Variants in ADCY9 observed in about 807,000 individuals in gnomAD.
The protein encoded by ADCY9 is adenylate cyclase type 9.
ADCY9 carries 50 observed loss-of-function variants against 101.5 expected under a neutral mutation model. That is an observed-to-expected ratio of 0.49 (90% CI 0.39 to 0.62). The LOEUF (loss-of-function observed/expected upper bound fraction) is 0.62, where lower values mean the gene tolerates loss of function less well. ADCY9 is among the 20% of genes least tolerant of loss of function. ADCY9 has a pLI of 0.00. For synonymous variants in ADCY9, 905 were observed against 769.3 expected, an observed-to-expected ratio of 1.18 and a Z score of -2.92; for missense variants, 1,662 against 1,800.4, an observed-to-expected ratio of 0.92 and a Z score of 1.39.
At chr16:4,080,444 A>G (rs1484639796) in intron 2 of ADCY9, among the ~76,000 whole-genome samples, 1 of 152,008 alleles carries the variant, frequency 6.6e-6, no homozygotes, top group Non-Finnish European at 1.5e-5. Context: ...TTTGATAGAA[A>G]TGGGGTTTTG....
chr16:3,989,643 G>A lies in ADCY9; in HGVS notation c.2208-547C>T, dbSNP rs542021055. On this transcript the variant is annotated intron_variant, in intron 5 of 10. Transcript: ENST00000294016. ...GATCCACCCATCTCGGCCTCCCAAA[G>A]TGCTGGGATGACAGCGTGAGCTGCT... Among the ~76,000 whole-genome samples, 424 of 152,330 alleles carry A rather than the reference G, an allele frequency of 2.8e-3. 2 individuals carry two copies. Among genetic ancestry groups the A allele is most frequent in the Non-Finnish European group, 3.2e-3 (218 of 68,030 alleles).
In ADCY9 at chr16:4,115,757, C is replaced by A; in HGVS notation, c.-111G>T. ...CGGGACCGCTTTGCTCGCTCGCCTT[C>A]CGCGCCTCTCGCCCCGAGGGTGGCC... On this transcript the variant is annotated 5_prime_UTR_variant, in exon 1 of 11. Coordinates refer to ENST00000294016, the MANE Select transcript of ADCY9 (RefSeq NM_001116.4). This position sits in a 1 kb window ranked among gnomAD's most constrained non-coding sequence, Gnocchi z 6.2. The A allele has an allele frequency of 2.5e-6, 1 of 407,026 alleles. No homozygotes were observed. Among genetic ancestry groups the A allele is most frequent in the South Asian group, 1.1e-4 (1 of 9,022 alleles). 25.2% of individuals were successfully genotyped at this position (407,026 alleles called of 1,614,324 possible).
At chr16:4,076,152 C>T (rs1055607102) in intron 2 of ADCY9, among the ~76,000 whole-genome samples, 9 of 152,180 alleles carry the variant, frequency 5.9e-5, no homozygotes, top group Non-Finnish European at 8.8e-5. Context: ...TACCATCACA[C>T]CTGTGAACAG....
chr16:3,988,154 G>A (rs947108932), intron 6 of ADCY9, among the ~76,000 whole-genome samples: 1 of 152,156 alleles, frequency 6.6e-6, no homozygotes, highest in Non-Finnish European at 1.5e-5. Flanking sequence ...GGGCACACAC[G>A]GAGAAGGAAG....
At chr16:4,016,222 C>T (rs1227094686) in intron 2 of ADCY9, among the ~76,000 whole-genome samples, 2 of 152,098 alleles carry the variant, frequency 1.3e-5, no homozygotes, top group Non-Finnish European at 2.9e-5. Context: ...AATGGCACTT[C>T]AACAATGAGT....
At chr16:3,973,035 CTATA>C (rs1323333958) in intron 10 of ADCY9, among the ~76,000 whole-genome samples, 1 of 152,072 alleles carries the variant, frequency 6.6e-6, no homozygotes, top group African/African-American at 2.4e-5. Flanking sequence ...CATATTTTTA[CTATA>C]TATAAATACC....
At chr16:3,958,665 G>A (rs933636299), downstream of ADCY9, among the ~76,000 whole-genome samples, 3 of 107,230 alleles carry the variant, frequency 2.8e-5, no homozygotes, top group South Asian at 6.7e-4. Context: ...AATCTTTCTC[G>A]TCGGTTACTT....
intron 9 of ADCY9, among the ~76,000 whole-genome samples, chr16:3,975,425 C>T (rs751328046): frequency 5.3e-5 from 8 of 152,252 alleles, no homozygotes; most frequent in East Asian, 3.9e-4. Context: ...AAACTGAGGA[C>T]GGATGCTCAC....
chr16:4,027,780 G>C (rs970940377), intron 2 of ADCY9, among the ~76,000 whole-genome samples: 43 of 152,134 alleles, frequency 2.8e-4, no homozygotes, highest in African/African-American at 8.0e-4. Flanking sequence ...GGGAGGCTGA[G>C]GCAGGAGAAT....
intron 6 of ADCY9, among the ~76,000 whole-genome samples, chr16:3,985,676 G>T (rs879340453): frequency 6.6e-6 from 1 of 152,098 alleles, no homozygotes; most frequent in South Asian, 2.1e-4. Context: ...CCAAGGGCTC[G>T]GGTACAGGGC....
chr16:4,106,869 A>T (rs1358867135), intron 2 of ADCY9, among the ~76,000 whole-genome samples: 1 of 152,226 alleles, frequency 6.6e-6, no homozygotes, highest in Non-Finnish European at 1.5e-5. Flanking sequence ...CAAGCTGGCC[A>T]GAAGACAAAA....
intron 2 of ADCY9, among the ~76,000 whole-genome samples, chr16:4,054,867 G>A (rs528436597): frequency 1.3e-5 from 2 of 152,078 alleles, no homozygotes; most frequent in African/African-American, 2.4e-5. Context: ...GTGCCCAGCC[G>A]AAATGGATAT....
intron 2 of ADCY9, among the ~76,000 whole-genome samples, chr16:4,046,917 G>A (rs1378720762): frequency 1.3e-5 from 2 of 152,086 alleles, no homozygotes; most frequent in Non-Finnish European, 2.9e-5. Flanking sequence ...GGCTGAGGTA[G>A]GAGGACTGAC....
intron 9 of ADCY9, 123 bp from the exon 10 acceptor site, chr16:3,974,833 G>A: frequency 2.8e-6 from 2 of 716,108 alleles, no homozygotes; most frequent in Admixed American, 4.4e-5. Flanking sequence ...TCCACATAAA[G>A]CCACCTGCTC....
chr16:4,100,154 C>A (rs1014227174), intron 2 of ADCY9, among the ~76,000 whole-genome samples: 1 of 151,932 alleles, frequency 6.6e-6, no homozygotes, highest in Non-Finnish European at 1.5e-5. Context: ...TGGCAGTTCC[C>A]CCTTCGCATG....
At position 3,992,596 on chromosome 16, in the gene ADCY9, G is replaced by C. The variant is rs1459244205; in HGVS notation, c.1990-233C>G. On this transcript the variant is annotated intron_variant, in intron 4 of 10. Transcript: ENST00000294016. The surrounding 1 kb of genome is among the most constrained non-coding windows in gnomAD (Gnocchi z 4.2). Reference sequence around the variant, plus strand: ...CAACAGTGCCCAGTGGTAACGCTGGGTGTTCAGGCTGCCAGGACATTGAGA... The same window carrying C: ...CAACAGTGCCCAGTGGTAACGCTGGCTGTTCAGGCTGCCAGGACATTGAGA... Among the ~76,000 whole-genome samples the C allele has an allele frequency of 6.6e-6, 1 of 152,134 alleles. No individual in the cohort carries two copies. Among genetic ancestry groups the C allele is most frequent in the Non-Finnish European group, 1.5e-5 (1 of 68,030 alleles).
In ADCY9 at chr16:3,966,468, C is replaced by T. The variant is rs778234726; in HGVS notation, c.3369G>A (p.Ala1123=). ...GCGGGTGGCTGCCGTCCTGGGCCTGCGCGGTGTTCAGCCCTGACGCCGCCA... is the reference window on the plus strand; with the variant it reads ...GCGGGTGGCTGCCGTCCTGGGCCTGTGCGGTGTTCAGCCCTGACGCCGCCA... ...TYMAASGLNT[A]QAQDGSHPQE... The change falls in exon 11 of 11, where the codon GCG becomes GCA. Residue 1123 remains alanine (A), a synonymous_variant. Coordinates refer to ENST00000294016, the MANE Select transcript of ADCY9 (RefSeq NM_001116.4). 7 of 1,613,988 alleles carry T rather than the reference C, an allele frequency of 4.3e-6. No homozygotes were observed. Among genetic ancestry groups the T allele is most frequent in the East Asian group, 2.2e-5 (1 of 44,896 alleles).
At chr16:4,091,262 C>T (rs1271385545) in intron 2 of ADCY9, among the ~76,000 whole-genome samples, 2 of 152,086 alleles carry the variant, frequency 1.3e-5, no homozygotes, top group Non-Finnish European at 2.9e-5. Context: ...TTAGTAGACA[C>T]GGGGTTTCAC....
intron 3 of ADCY9, among the ~76,000 whole-genome samples, chr16:4,006,961 C>G (rs918451013): frequency 6.6e-6 from 1 of 152,164 alleles, no homozygotes; most frequent in Non-Finnish European, 1.5e-5. Flanking sequence ...TAGTGGATTT[C>G]AAGAGACGTA....
Sources: allele counts gnomAD v4.1 joint callset (sites outside exome capture counted in the v4.1 genomes callset), GRCh38; gene constraint gnomAD v4.1.1; non-coding constraint Gnocchi (gnomAD v3.1); transcripts MANE v1.5; gene names NCBI Gene and HGNC (gene_info 2026-07-23, HGNC 2026-07-21).